MMP26: variants seen among roughly 807,000 people sequenced by gnomAD.
The protein encoded by MMP26 is matrix metalloproteinase-26.
A neutral mutation model predicts 31.0 loss-of-function variants in MMP26; 33 were observed. The ratio of observed to expected loss-of-function variants is 1.06; its 90% confidence interval spans 0.81 to 1.42. The LOEUF is 1.42. Among genes scored for constraint, MMP26 ranks in the 40% most tolerant of loss-of-function variants. The pLI, the probability that MMP26 is intolerant of heterozygous loss-of-function variation, is 0.00. For missense variants in MMP26, 347 were observed against 316.1 expected (o/e 1.10, Z -0.74); for synonymous variants, 122 against 114.9 (o/e 1.06, Z -0.40).
chr11:4,930,462 G>A (rs1204038988), intron 2 of MMP26, among the ~76,000 whole-genome samples: 3 of 151,886 alleles, frequency 2.0e-5, no homozygotes, highest in African/African-American at 7.3e-5. Flanking sequence ...CTCCTTTTTC[G>A]AGCCATCTTT....
chr11:4,751,508 A>G (rs1322086947), intron 1 of MMP26, among the ~76,000 whole-genome samples: 1 of 152,134 alleles, frequency 6.6e-6, no homozygotes, highest in East Asian at 1.9e-4. Context: ...AGTAAAGTCC[A>G]CCATGAAAAA....
chr11:4,822,130 C>T lies in MMP26; in HGVS notation c.-145+54789C>T, dbSNP rs774109745. ...CAGCATTGCTTCCTCAGAAGAGAGG[C>T]GGAAAGCCTTCAACACCTGCACATC... On this transcript the variant is annotated intron_variant, in intron 2 of 7. Coordinates refer to ENST00000380390, the MANE Select transcript of MMP26 (RefSeq NM_021801.5). 56 of 1,613,656 alleles carry T rather than the reference C, an allele frequency of 3.5e-5. No homozygotes were observed. The East Asian group carries it at 3.8e-4, about 11-fold the overall frequency.
intron 2 of MMP26, chr11:4,822,257 C>T (rs1349201120): frequency 6.4e-7 from 1 of 1,568,062 alleles, no homozygotes; most frequent in Non-Finnish European, 8.7e-7. Flanking sequence ...ATCATCATGG[C>T]CAATGTCTTT....
intron 1 of MMP26, among the ~76,000 whole-genome samples, chr11:4,754,686 T>C (rs985966244): frequency 1.3e-5 from 2 of 152,038 alleles, no homozygotes; most frequent in Admixed American, 6.6e-5. Flanking sequence ...TAGATGGAAA[T>C]TAGTTTGGCT....
intron 2 of MMP26, chr11:4,943,761 A>G (rs1359063782): frequency 4.2e-5 from 16 of 377,412 alleles, no homozygotes; most frequent in Non-Finnish European, 7.9e-5. Context: ...TTCATTTCAG[A>G]AATATGTGAA....
intron 2 of MMP26, among the ~76,000 whole-genome samples, chr11:4,796,480 T>G (rs895794544): frequency 7.2e-5 from 11 of 152,246 alleles, no homozygotes; most frequent in African/African-American, 2.4e-4. Context: ...GGTTAGAGTC[T>G]GTCTTCACCA....
intron 1 of MMP26, among the ~76,000 whole-genome samples, chr11:4,712,603 G>A (rs1416766822): frequency 6.6e-6 from 1 of 152,062 alleles, no homozygotes; most frequent in Non-Finnish European, 1.5e-5. Context: ...ACATTTTTGG[G>A]TGTATCTTAA....
At chr11:4,910,598 C>G (rs890101641) in intron 2 of MMP26, among the ~76,000 whole-genome samples, 3 of 151,954 alleles carry the variant, frequency 2.0e-5, no homozygotes, top group Non-Finnish European at 4.4e-5. Context: ...ACTTATACCT[C>G]AATTTTATTC....
At chr11:4,780,034 T>C (rs1461471365) in intron 2 of MMP26, among the ~76,000 whole-genome samples, 2 of 152,198 alleles carry the variant, frequency 1.3e-5, no homozygotes, top group African/African-American at 4.8e-5. Flanking sequence ...GTTTTTCTCA[T>C]TATCATCATT....
intron 2 of MMP26, among the ~76,000 whole-genome samples, chr11:4,798,113 C>G (rs909320217): frequency 6.6e-6 from 1 of 152,206 alleles, no homozygotes; most frequent in Admixed American, 6.5e-5. Context: ...AATTTCAAAT[C>G]TCTTTTACGA....
chr11:4,828,745 A>G (rs1445772055), intron 2 of MMP26, among the ~76,000 whole-genome samples: 2 of 152,176 alleles, frequency 1.3e-5, no homozygotes, highest in Non-Finnish European at 2.9e-5. Flanking sequence ...GGCCTTAATT[A>G]TATTTTCATG....
intron 2 of MMP26, among the ~76,000 whole-genome samples, chr11:4,793,439 A>C (rs188307678): frequency 8.5e-5 from 13 of 152,210 alleles, no homozygotes; most frequent in Non-Finnish European, 1.9e-4. Flanking sequence ...TAATTAACGT[A>C]AATGAAGAGT....
intron 2 of MMP26, among the ~76,000 whole-genome samples, chr11:4,896,579 T>C (rs1850706377): frequency 6.6e-6 from 1 of 152,214 alleles, no homozygotes; most frequent in African/African-American, 2.4e-5. Flanking sequence ...GGAAAAGCAG[T>C]TGAGGCTACC....
chr11:4,836,153 G>A (rs10836737), intron 2 of MMP26, among the ~76,000 whole-genome samples: 16,950 of 151,786 alleles, frequency 0.11, 1,787 homozygotes, highest in African/African-American at 0.27. Context: ...CAAAGCTTTC[G>A]TTTGTTTTGT....
intron 2 of MMP26, chr11:4,913,559 G>A (rs1851025125): frequency 6.6e-6 from 1 of 152,156 alleles, no homozygotes; most frequent in Non-Finnish European, 1.5e-5. Flanking sequence ...TATCTAGAAT[G>A]TCTTGGGGGT....
chr11:4,991,696 GT>G (rs558090645), intron 6 of MMP26, among the ~76,000 whole-genome samples, 200 bp downstream of exon 6: 3 of 152,060 alleles, frequency 2.0e-5, no homozygotes, highest in Admixed American at 2.0e-4. Flanking sequence ...GTCAGATTGT[GT>G]TTTTTTCTCC....
At chr11:4,769,867 G>A (rs186053988) in intron 2 of MMP26, 68 of 1,612,818 alleles carry the variant, frequency 4.2e-5, no homozygotes, top group East Asian at 1.6e-4. Flanking sequence ...CAGGAATGCC[G>A]GTCAACAAGA....
At chr11:4,821,927 CCTT>C in intron 2 of MMP26, 1 of 1,613,946 alleles carries the variant, frequency 6.2e-7, no homozygotes, top group Non-Finnish European at 8.5e-7. Context: ...AAGAGGTTGT[CCTT>C]CTGCAGTTCT....
chr11:4,982,064 A>ATG (rs912041540), intron 2 of MMP26, among the ~76,000 whole-genome samples: 2 of 144,950 alleles, frequency 1.4e-5, no homozygotes, highest in East Asian at 2.1e-4. Flanking sequence ...ATATGTATGT[A>ATG]TGTATATATA....
Sources: gnomAD v4.1 joint callset for allele counts (sites outside exome capture counted in the v4.1 genomes callset) on GRCh38, gnomAD v4.1.1 for gene constraint, MANE v1.5 for transcripts, NCBI Gene and HGNC (gene_info 2026-07-23, HGNC 2026-07-21) for gene names.